LARS2: variants seen among roughly 807,000 people sequenced by gnomAD.
LARS2 encodes leucine--tRNA ligase, mitochondrial.
Under a neutral mutation model 116.6 loss-of-function variants are expected in LARS2, and 81 were observed. The ratio of observed to expected loss-of-function variants is 0.69; its 90% CI spans 0.58 to 0.84. The LOEUF (loss-of-function observed/expected upper bound fraction) is 0.84, where lower values mean the gene tolerates loss of function less well. LARS2 is among the 40% of genes least tolerant of loss of function. LARS2 has a pLI of 0.00. For synonymous variants in LARS2, 396 were observed against 407.2 expected (o/e 0.97, Z 0.33); for missense variants, 968 against 1,114.5 (o/e 0.87, Z 1.87).
intron 6 of LARS2, among the ~76,000 whole-genome samples, chr3:45,444,037 C>T (rs1481661072): frequency 6.9e-6 from 1 of 144,592 alleles, no homozygotes; most frequent in Non-Finnish European, 1.5e-5. Context: ...CAGAGTCTTG[C>T]TCTGTTGTCC....
intron 15 of LARS2, among the ~76,000 whole-genome samples, chr3:45,507,170 G>T (rs913711560): frequency 7.2e-5 from 11 of 151,862 alleles, no homozygotes; most frequent in African/African-American, 2.7e-4. Flanking sequence ...TGCAAGACAG[G>T]AAGATCATTT....
chr3:45,440,160 A>G (rs1404071677), intron 6 of LARS2, among the ~76,000 whole-genome samples: 3 of 152,174 alleles, frequency 2.0e-5, no homozygotes, highest in Non-Finnish European at 4.4e-5. Context: ...AGCTTGAACC[A>G]TCATCAGTGA....
chr3:45,436,396 A>G (rs1476762396), intron 6 of LARS2, among the ~76,000 whole-genome samples: 3 of 152,136 alleles, frequency 2.0e-5, no homozygotes, highest in East Asian at 1.9e-4. Context: ...GGCAGCTGAA[A>G]TACTGGCATC....
intron 6 of LARS2, among the ~76,000 whole-genome samples, chr3:45,424,125 A>G (rs1698555927): frequency 7.2e-6 from 1 of 139,364 alleles, no homozygotes; most frequent in African/African-American, 2.5e-5. Flanking sequence ...AGATTTCACC[A>G]GTTTTTAGAT....
intron 8 of LARS2, among the ~76,000 whole-genome samples, chr3:45,459,583 A>G (rs1235494207): frequency 1.3e-5 from 2 of 152,234 alleles, no homozygotes; most frequent in Non-Finnish European, 2.9e-5. Flanking sequence ...GGCAAAACCA[A>G]TCATTGAAAG....
At chr3:45,500,360 A>T in intron 14 of LARS2, 82 bp from the exon 15 acceptor site, 1 of 1,276,826 alleles carries the variant, frequency 7.8e-7, no homozygotes, top group Non-Finnish European at 1.1e-6. Flanking sequence ...TTCAGGGCAT[A>T]TGCATATTAC....
At chr3:45,500,401 C>T (rs755284843) in intron 14 of LARS2, 41 bp from the exon 15 acceptor site, 1 of 1,590,272 alleles carries the variant, frequency 6.3e-7, no homozygotes, top group Non-Finnish European at 8.5e-7. Flanking sequence ...ACAATTGTGG[C>T]AAAGCAGGTT....
chr3:45,494,449 A>T (rs3774684), intron 13 of LARS2, among the ~76,000 whole-genome samples: 1 of 152,036 alleles, frequency 6.6e-6, no homozygotes, highest in Admixed American at 6.5e-5. Flanking sequence ...CTTCTCCCCA[A>T]ATTCTCCAAT....
In LARS2 at chr3:45,488,709, C is replaced by G. The variant is rs1446568763; in HGVS notation, c.1136C>G (p.Thr379Ser). The change falls in exon 12 of 22, where the codon ACT becomes AGT. Residue 379 changes from threonine (T) to serine (S), a missense_variant. Coordinates refer to ENST00000645846, the MANE Select transcript of LARS2 (RefSeq NM_015340.4). ...CTCCTCTGAATAGGAATTCCCAGTA[C>G]TAGCTCAGAGGACACCATCTTAGCC... is the stretch of plus-strand genomic sequence containing the variant. ...SLDSKIGIPS[T>S]SSEDTILAQT... 1.9e-6 allele frequency: 3 copies of G among 1,607,964 alleles called. No individual in the cohort carries two copies. The highest frequency in any genetic ancestry group is 1.7e-6 in the Non-Finnish European group (2 of 1,174,304).
At chr3:45,520,443 C>T in intron 19 of LARS2, 147 bp downstream of exon 19, 1 of 598,778 alleles carries the variant, frequency 1.7e-6, no homozygotes, top group Non-Finnish European at 3.0e-6. Flanking sequence ...AACATTTTTC[C>T]ATAGTCACAA....
intron 1 of LARS2, chr3:45,389,093 GC>G (rs1697894508): frequency 6.6e-6 from 1 of 152,164 alleles, no homozygotes; most frequent in Non-Finnish European, 1.5e-5. Flanking sequence ...CGAGAAATCC[GC>G]CTGAGGTCAC....
At chr3:45,494,279 G>A (rs1699972667) in intron 13 of LARS2, among the ~76,000 whole-genome samples, 2 of 152,180 alleles carry the variant, frequency 1.3e-5, no homozygotes, top group Non-Finnish European at 2.9e-5. Context: ...TGGGGGACTG[G>A]CCATTTCCTT....
Position 45,516,206 on chromosome 3 carries a change from G to T in LARS2, c.1974G>T (p.Gly658=), listed in dbSNP as rs189078355. The T allele has an allele frequency of 4.5e-5, 73 of 1,614,214 alleles. No homozygotes were observed. The highest frequency in any genetic ancestry group is 1.5e-4 in the Admixed American group (9 of 60,026). ...VDPEEVVEQY[G]IDTIRLYILF... is the part of the protein sequence containing the mutation. ...CAGAGGAAGTTGTGGAGCAGTATGG[G>T]ATCGACACGATTCGGCTCTACATCC... The change falls in exon 17 of 22, where the codon GGG becomes GGT. Residue 658 remains glycine, a synonymous_variant. Coordinates refer to ENST00000645846, the MANE Select transcript of LARS2 (RefSeq NM_015340.4).
rs1215357484 is a variant in LARS2, at chr3:45,486,725, A to G, written c.1123+929A>G. On this transcript the variant is annotated intron_variant, in intron 11 of 21. Coordinates refer to ENST00000645846, the MANE Select transcript of LARS2 (RefSeq NM_015340.4). ...TAAACCTAGAAAATGTGTTGTTTAA[A>G]GAAATAATTCCTTCTGTTACTTTTA... Among the ~76,000 whole-genome samples the G allele has an allele frequency of 2.6e-5, 4 of 152,380 alleles. No individual in the cohort carries two copies. The East Asian group carries it at 7.7e-4, about 29-fold the overall frequency.
chr3:45,533,259 G>T (rs1343026945), intron 20 of LARS2, among the ~76,000 whole-genome samples: 21 of 136,480 alleles, frequency 1.5e-4, no homozygotes, highest in Non-Finnish European at 2.0e-4. Context: ...CACACCATTT[G>T]CCTGCATCAG....
chr3:45,459,637 C>A (rs1478714400), intron 8 of LARS2, among the ~76,000 whole-genome samples: 1 of 152,172 alleles, frequency 6.6e-6, no homozygotes, highest in Admixed American at 6.5e-5. Flanking sequence ...GACAAAAAAT[C>A]GGTTCTGTAG....
At chr3:45,425,939 T>C (rs1260291099) in intron 6 of LARS2, among the ~76,000 whole-genome samples, 1 of 150,438 alleles carries the variant, frequency 6.6e-6, no homozygotes. Context: ...TTTTTAATAT[T>C]GTGGGTTTGA....
At position 45,413,564 on chromosome 3, in the gene LARS2, C is replaced by T. The variant is rs142082909; in HGVS notation, c.364-3918C>T. On this transcript the variant is annotated intron_variant, in intron 4 of 21. Coordinates refer to ENST00000645846, the MANE Select transcript of LARS2 (RefSeq NM_015340.4). ...AAACAGGCAGAGTTAGATTTAGGAC[C>T]TTTGCCCTCAACAGGCTCCTGGAGA... 7.2e-4 allele frequency among the ~76,000 whole-genome samples: 110 copies of T among 152,354 alleles called. 1 individual carries two copies. The highest frequency in any genetic ancestry group is 2.4e-3 in the African/African-American group (101 of 41,588).
At chr3:45,458,416 G>A (rs924291002) in intron 7 of LARS2, among the ~76,000 whole-genome samples, 1 of 152,176 alleles carries the variant, frequency 6.6e-6, no homozygotes, top group Admixed American at 6.5e-5. Context: ...ACCTAGGTCA[G>A]GCACAGTGGC....
Sources: allele counts gnomAD v4.1 joint callset (sites outside exome capture counted in the v4.1 genomes callset), GRCh38; gene constraint gnomAD v4.1.1; transcripts MANE v1.5; gene names NCBI Gene and HGNC (gene_info 2026-07-23, HGNC 2026-07-21).